Variants in MARCHF1 observed in about 807,000 individuals in gnomAD.
The protein encoded by MARCHF1 is E3 ubiquitin-protein ligase MARCHF1.
MARCHF1 carries 40 observed loss-of-function variants against 54.2 expected under a neutral mutation model. The ratio of observed to expected loss-of-function variants is 0.74; its 90% confidence interval spans 0.57 to 0.96. MARCHF1 has a LOEUF of 0.96. Ranked by LOEUF, MARCHF1 falls within the 40% of genes least tolerant of loss-of-function variation. The pLI is 0.00. For missense variants in MARCHF1, 586 were observed against 656.5 expected, an observed-to-expected ratio of 0.89 and a Z score of 1.17; for synonymous variants, 236 against 236.3, an observed-to-expected ratio of 1.00 and a Z score of 0.01.
chr4:163,726,757 G>C (rs1311556987), intron 4 of MARCHF1, among the ~76,000 whole-genome samples: 2 of 152,170 alleles, frequency 1.3e-5, no homozygotes, highest in African/African-American at 2.4e-5. Context: ...TCTGCATCCT[G>C]CTACATTTGG....
Position 163,578,276 on chromosome 4 carries a change from G to GT in MARCHF1, c.1191+7472dup, listed in dbSNP as rs1740103838. ...CAGTTAAGCATTTCCTATTATATCT[G>GT]TAATAGCAACACAAGGTGACATTCT... is the stretch of plus-strand genomic sequence containing the variant. On this transcript the variant is annotated intron_variant, in intron 8 of 9. Coordinates refer to ENST00000514618, the MANE Select transcript of MARCHF1 (RefSeq NM_001394959.1). Among the ~76,000 whole-genome samples, 6 of 152,168 alleles carry GT rather than the reference G, an allele frequency of 3.9e-5. No individual in the cohort carries two copies. The South Asian group carries it at 1.2e-3, about 32-fold the overall frequency.
intron 3 of MARCHF1, among the ~76,000 whole-genome samples, chr4:163,898,222 G>T (rs2111297591): frequency 1.3e-5 from 2 of 152,128 alleles, no homozygotes; most frequent in South Asian, 4.1e-4. Context: ...GCTCTGCACA[G>T]CAAAAGAAAT....
intron 1 of MARCHF1, among the ~76,000 whole-genome samples, chr4:164,308,382 T>C (rs1394074092): frequency 2.6e-5 from 4 of 152,200 alleles, no homozygotes; most frequent in Non-Finnish European, 5.9e-5. Context: ...AAGAAATCAT[T>C]AACTGATAAT....
intron 1 of MARCHF1, chr4:164,196,884 A>G: frequency 8.3e-7 from 1 of 1,208,866 alleles, no homozygotes; most frequent in Middle Eastern, 1.9e-4. Flanking sequence ...AGAAAAAAGT[A>G]AGTTTCAGGG....
chr4:163,890,314 T>C (rs993746980), intron 3 of MARCHF1, among the ~76,000 whole-genome samples: 1 of 152,168 alleles, frequency 6.6e-6, no homozygotes, highest in African/African-American at 2.4e-5. Flanking sequence ...TAAAATTCAT[T>C]TCCTTTATTT....
intron 3 of MARCHF1, among the ~76,000 whole-genome samples, chr4:163,957,372 G>A (rs906911412): frequency 1.3e-5 from 2 of 152,036 alleles, no homozygotes; most frequent in Non-Finnish European, 2.9e-5. Context: ...ATAAAACATA[G>A]TAAATGGCCT....
chr4:163,670,388 G>GTCTATCTATCTATCTATCTATCTA (rs74831110), intron 5 of MARCHF1, among the ~76,000 whole-genome samples: 3 of 149,994 alleles, frequency 2.0e-5, no homozygotes, highest in African/African-American at 7.3e-5. Context: ...CTATCTGTCT[G>GTCTATCTATCTATCTATCTATCTA]TCTATCTATC....
chr4:164,042,855 C>A (rs1024118379), intron 2 of MARCHF1, among the ~76,000 whole-genome samples: 1 of 152,170 alleles, frequency 6.6e-6, no homozygotes, highest in African/African-American at 2.4e-5. Flanking sequence ...GAGAAATTGT[C>A]CAAAACAGAC....
intron 1 of MARCHF1, among the ~76,000 whole-genome samples, chr4:164,271,679 T>C (rs1579678324): frequency 6.6e-6 from 1 of 152,132 alleles, no homozygotes; most frequent in Non-Finnish European, 1.5e-5. Context: ...CTATCTCCAA[T>C]AGAAATCAGT....
intron 2 of MARCHF1, among the ~76,000 whole-genome samples, chr4:164,011,488 T>C (rs1281885838): frequency 6.6e-6 from 1 of 152,156 alleles, no homozygotes; most frequent in Non-Finnish European, 1.5e-5. Flanking sequence ...AAAAGAAACA[T>C]ATACATGGCC....
intron 1 of MARCHF1, among the ~76,000 whole-genome samples, chr4:164,187,618 C>T (rs1731005419): frequency 6.6e-6 from 1 of 152,120 alleles, no homozygotes; most frequent in Non-Finnish European, 1.5e-5. Context: ...TCTATGGAAG[C>T]CTGGCAAGGG....
At chr4:164,047,663 T>C (rs1386648037) in intron 2 of MARCHF1, among the ~76,000 whole-genome samples, 3 of 152,180 alleles carry the variant, frequency 2.0e-5, no homozygotes. Context: ...CCACTATAAG[T>C]TTTGTCTTAA....
chr4:164,317,498 A>G (rs1176592696), intron 1 of MARCHF1, among the ~76,000 whole-genome samples: 3 of 152,052 alleles, frequency 2.0e-5, no homozygotes, highest in Admixed American at 1.3e-4. Flanking sequence ...CGCATCCACT[A>G]CCTAAGCAAG....
chr4:164,116,779 G>A (rs1755947560), intron 1 of MARCHF1, among the ~76,000 whole-genome samples: 1 of 151,924 alleles, frequency 6.6e-6, no homozygotes, highest in African/African-American at 2.4e-5. Context: ...GTGTGTGTGT[G>A]TATGCATACC....
intron 1 of MARCHF1, among the ~76,000 whole-genome samples, chr4:164,120,036 TA>T (rs1343590370): frequency 6.6e-6 from 1 of 151,724 alleles, no homozygotes; most frequent in Admixed American, 6.6e-5. Context: ...ACTGCACTAT[TA>T]AAAAAACTAC....
At chr4:164,214,130 TACA>T (rs1471189061) in intron 1 of MARCHF1, among the ~76,000 whole-genome samples, 4 of 151,676 alleles carry the variant, frequency 2.6e-5, no homozygotes, top group Non-Finnish European at 5.9e-5. Flanking sequence ...TCGTGACACA[TACA>T]ACAATATTTT....
chr4:163,906,070 C>T (rs947051975), intron 3 of MARCHF1, among the ~76,000 whole-genome samples: 6 of 151,938 alleles, frequency 3.9e-5, no homozygotes, highest in African/African-American at 1.4e-4. Context: ...TTAAAATTTA[C>T]CCAATGGATA....
At chr4:164,351,231 C>T (rs1730317410) in intron 1 of MARCHF1, among the ~76,000 whole-genome samples, 1 of 149,668 alleles carries the variant, frequency 6.7e-6, no homozygotes, top group Non-Finnish European at 1.5e-5. Context: ...ACAAAGCAGC[C>T]TGGAAGCTCC....
At chr4:163,597,757 A>G (rs1740824216) in intron 7 of MARCHF1, among the ~76,000 whole-genome samples, 1 of 152,226 alleles carries the variant, frequency 6.6e-6, no homozygotes, top group South Asian at 2.1e-4. Context: ...CAATTTGGAA[A>G]CATGCCATGA....
Sources: allele counts gnomAD v4.1 joint callset (sites outside exome capture counted in the v4.1 genomes callset), GRCh38; gene constraint gnomAD v4.1.1; transcripts MANE v1.5; gene names NCBI Gene and HGNC (gene_info 2026-07-23, HGNC 2026-07-21).